The following AP3B1 variants were observed in gnomAD, a reference collection of about 807,000 sequenced individuals.
AP3B1 encodes the protein adaptor related protein complex 3 subunit beta 1, also known as AP-3 complex subunit beta-1.
Under a neutral mutation model 132.5 loss-of-function variants are expected in AP3B1, and 61 were observed. That is an observed-to-expected ratio of 0.46 (90% CI 0.37 to 0.57). The LOEUF (loss-of-function observed/expected upper bound fraction) is 0.57, where lower values mean the gene tolerates loss of function less well. Ranked by LOEUF, AP3B1 falls within the 20% of genes least tolerant of loss-of-function variation. AP3B1 has a pLI of 0.00. For synonymous variants in AP3B1, 388 were observed against 438.3 expected (o/e 0.89, Z 1.43); for missense variants, 1,120 against 1,289.4 (o/e 0.87, Z 2.01).
chr5:78,090,783 A>T (rs1750475012), intron 21 of AP3B1, among the ~76,000 whole-genome samples: 1 of 152,134 alleles, frequency 6.6e-6, no homozygotes, highest in South Asian at 2.1e-4. Context: ...CCCTAAAGGG[A>T]ATAACATTTA....
chr5:78,042,869 C>G, intron 22 of AP3B1: 1 of 164,022 alleles, frequency 6.1e-6, no homozygotes. Flanking sequence ...TGAATTCCAA[C>G]CAACCTTCTA....
chr5:78,246,275 A>G (rs1184385308), intron 2 of AP3B1, among the ~76,000 whole-genome samples: 6 of 152,210 alleles, frequency 3.9e-5, no homozygotes, highest in Non-Finnish European at 8.8e-5. Flanking sequence ...TACAATGGGT[A>G]TAGCCTAACA....
intron 7 of AP3B1, among the ~76,000 whole-genome samples, chr5:78,193,822 C>T (rs979959747): frequency 7.7e-5 from 11 of 142,598 alleles, no homozygotes; most frequent in African/African-American, 1.6e-4. Flanking sequence ...AGTGCAGTGG[C>T]GTGATCTCGC....
chr5:78,049,837 T>G (rs1009666014), intron 22 of AP3B1, among the ~76,000 whole-genome samples: 1 of 152,158 alleles, frequency 6.6e-6, no homozygotes, highest in Admixed American at 6.5e-5. Flanking sequence ...ACTGGGGTGA[T>G]GAAATAATTT....
At chr5:78,210,877 C>A in intron 7 of AP3B1, among the ~76,000 whole-genome samples, 1 of 151,960 alleles carries the variant, frequency 6.6e-6, no homozygotes, top group Non-Finnish European at 1.5e-5. Flanking sequence ...CAACTTTAGT[C>A]TTAGAGATCT....
At chr5:78,215,200 T>C (rs968986448) in intron 7 of AP3B1, among the ~76,000 whole-genome samples, 1 of 151,940 alleles carries the variant, frequency 6.6e-6, no homozygotes, top group Non-Finnish European at 1.5e-5. Context: ...CAGGAGCTTT[T>C]TAAAAATCTT....
intron 24 of AP3B1, among the ~76,000 whole-genome samples, chr5:78,023,228 T>C (rs1747179801): frequency 6.6e-6 from 1 of 152,212 alleles, no homozygotes; most frequent in Admixed American, 6.5e-5. Flanking sequence ...TTTTGAGTAC[T>C]GAGTTACCCA....
intron 1 of AP3B1, among the ~76,000 whole-genome samples, chr5:78,277,823 A>C (rs1748847969): frequency 6.6e-6 from 1 of 152,242 alleles, no homozygotes; most frequent in African/African-American, 2.4e-5. Flanking sequence ...AAAAGGATCC[A>C]TGATCCCAAT....
At chr5:78,098,081 A>G (rs1750965336) in intron 21 of AP3B1, among the ~76,000 whole-genome samples, 1 of 151,156 alleles carries the variant, frequency 6.6e-6, no homozygotes. Context: ...GCTTGAAGGC[A>G]GCATGCTCGT....
chr5:78,024,434 G>A (rs888073182), intron 24 of AP3B1, among the ~76,000 whole-genome samples: 1 of 152,098 alleles, frequency 6.6e-6, no homozygotes, highest in Non-Finnish European at 1.5e-5. Flanking sequence ...CTGTCACCCA[G>A]GCTGGAGTGC....
At chr5:78,074,835 A>T (rs1350946745) in intron 22 of AP3B1, among the ~76,000 whole-genome samples, 1 of 152,174 alleles carries the variant, frequency 6.6e-6, no homozygotes, top group Non-Finnish European at 1.5e-5. Flanking sequence ...CAGGAGGCTG[A>T]GGCAGGAGAA....
intron 1 of AP3B1, among the ~76,000 whole-genome samples, chr5:78,276,016 T>C (rs903811526): frequency 6.6e-6 from 1 of 151,924 alleles, no homozygotes; most frequent in African/African-American, 2.4e-5. Flanking sequence ...GGAATCTAAA[T>C]AGAAACCAAT....
chr5:78,057,244 C>T (rs1450040532), intron 22 of AP3B1, among the ~76,000 whole-genome samples: 1 of 152,148 alleles, frequency 6.6e-6, no homozygotes, highest in African/African-American at 2.4e-5. Context: ...CTTTTAGCTC[C>T]TCTTCTGTAG....
intron 3 of AP3B1, among the ~76,000 whole-genome samples, chr5:78,229,575 CAAA>C (rs70997973): frequency 3.0e-5 from 4 of 134,342 alleles, no homozygotes; most frequent in African/African-American, 5.6e-5. Flanking sequence ...TCTAGTAAAA[CAAA>C]AAAAAAAAAA....
intron 1 of AP3B1, among the ~76,000 whole-genome samples, chr5:78,278,051 T>C (rs1325339722): frequency 6.6e-6 from 1 of 152,198 alleles, no homozygotes; most frequent in Non-Finnish European, 1.5e-5. Context: ...TATTCAGTAG[T>C]ATATTTGTTA....
At chr5:78,142,399 A>G (rs906624777) in intron 14 of AP3B1, among the ~76,000 whole-genome samples, 1 of 152,222 alleles carries the variant, frequency 6.6e-6, no homozygotes, top group Non-Finnish European at 1.5e-5. Flanking sequence ...ATAATAAGTG[A>G]AAAGGCTGAC....
chr5:78,110,247 G>A lies in AP3B1; in HGVS notation c.2357C>T (p.Ser786Leu), dbSNP rs1444093127. 6.2e-7 allele frequency: 1 copy of A among 1,608,386 alleles called. No homozygotes were observed. The highest frequency in any genetic ancestry group is 1.3e-5 in the African/African-American group (1 of 74,970). ...EDSSSDSESE[S>L]EPESESESRR... ...GGATTCAGATTCACTTTCAGGTTCTGACTCTGATTCAGAATCGGAAGAACT... is the reference window on the plus strand; with the variant it reads ...GGATTCAGATTCACTTTCAGGTTCTAACTCTGATTCAGAATCGGAAGAACT... Residue 786 changes from serine to leucine, a missense_variant, in exon 20 of 27, where the codon TCA becomes TTA. Transcript: ENST00000255194.
chr5:78,099,706 C>A (rs992336772), intron 21 of AP3B1, among the ~76,000 whole-genome samples: 6 of 151,880 alleles, frequency 4.0e-5, no homozygotes, highest in Admixed American at 3.9e-4. Context: ...ATCATCCTGG[C>A]TAACACAGTG....
chr5:78,244,738 T>G (rs968984143), intron 2 of AP3B1, among the ~76,000 whole-genome samples: 1 of 152,150 alleles, frequency 6.6e-6, no homozygotes, highest in African/African-American at 2.4e-5. Context: ...GGCTCACGCC[T>G]GTCATCCCAG....
Sources: gnomAD v4.1 joint callset for allele counts (sites outside exome capture counted in the v4.1 genomes callset) on GRCh38, gnomAD v4.1.1 for gene constraint, MANE v1.5 for transcripts, NCBI Gene and HGNC (gene_info 2026-07-23, HGNC 2026-07-21) for gene names.